CORO2A: variants seen among roughly 807,000 people sequenced by gnomAD.
CORO2A encodes the protein coronin-2A.
A neutral mutation model predicts 62.4 loss-of-function variants in CORO2A; 47 were observed. That is an observed-to-expected ratio of 0.75 (90% CI 0.60 to 0.96). CORO2A has a LOEUF of 0.96. Among genes scored for constraint, CORO2A ranks in the 40% least tolerant of loss-of-function variants. The probability of loss-of-function intolerance (pLI) is 0.00; values close to 1 mark genes in which losing one functional copy is unlikely to be tolerated. For synonymous variants in CORO2A, 273 were observed against 268.9 expected (o/e 1.02, Z -0.15); for missense variants, 610 against 684.1 (o/e 0.89, Z 1.21).
rs771128379 is a variant in CORO2A, at chr9:98,133,146, T to G, written c.540A>C (p.Gln180His). The G allele has an allele frequency of 6.8e-6, 11 of 1,614,122 alleles. No homozygotes were observed. Among genetic ancestry groups the G allele is most frequent in the Non-Finnish European group, 9.3e-6 (11 of 1,180,052 alleles). The change falls in exon 5 of 12, where the codon CAA (glutamine) becomes CAC (histidine). Residue 180 changes from glutamine (Q) to histidine (H), a missense_variant. Coordinates refer to ENST00000375077, the MANE Select transcript of CORO2A (RefSeq NM_052820.4). ...TSPMSTISCH[Q>H]DVILSMSFNT... ...TGAAGGACATGGAGAGGATCACATC[T>G]TGGTGACAGCTAATCGTACTCATGG...
intron 2 of CORO2A, among the ~76,000 whole-genome samples, chr9:98,151,494 T>G (rs1011794582): frequency 6.6e-6 from 1 of 152,182 alleles, no homozygotes; most frequent in Non-Finnish European, 1.5e-5. Context: ...TATGTACAAA[T>G]GCAATTCATT....
At chr9:98,191,055 C>A (rs1245215526) in intron 1 of CORO2A, among the ~76,000 whole-genome samples, 2 of 152,224 alleles carry the variant, frequency 1.3e-5, no homozygotes, top group Non-Finnish European at 2.9e-5. Flanking sequence ...GGGCCTCCTG[C>A]CCTCTTTTGG....
At chr9:98,159,235 T>A (rs938609276) in intron 1 of CORO2A, among the ~76,000 whole-genome samples, 6 of 151,922 alleles carry the variant, frequency 3.9e-5, no homozygotes, top group East Asian at 3.9e-4. Context: ...ATTAAAAAAA[T>A]TTTTTTTCTT....
At chr9:98,186,766 T>C (rs1269353662) in intron 1 of CORO2A, among the ~76,000 whole-genome samples, 1 of 152,074 alleles carries the variant, frequency 6.6e-6, no homozygotes, top group Non-Finnish European at 1.5e-5. Context: ...TAGATGGTGG[T>C]AAGAAGTGCT....
Position 98,124,619 on chromosome 9 carries a change from G to T in CORO2A, c.*155C>A. 1 of 733,194 alleles carries T rather than the reference G, an allele frequency of 1.4e-6. No homozygotes were observed. Among genetic ancestry groups the T allele is most frequent in the Non-Finnish European group, 2.0e-6 (1 of 501,458 alleles). 45.4% of individuals were successfully genotyped at this position (733,194 alleles called of 1,614,324 possible). ...AAGGCAAACAGAAAAACGGCACCAT[G>T]TCCCACTGGAATCTCTTTCAGCGAT... On this transcript the variant is annotated 3_prime_UTR_variant, in exon 12 of 12. Transcript: ENST00000375077.
chr9:98,129,973 G>T, intron 7 of CORO2A, 83 bp from the exon 8 acceptor site: 1 of 1,069,336 alleles, frequency 9.4e-7, no homozygotes, highest in South Asian at 1.3e-5. Flanking sequence ...ATGCAGCAAA[G>T]ACCTGGCTTT....
intron 6 of CORO2A, among the ~76,000 whole-genome samples, chr9:98,131,414 C>T (rs1827407310): frequency 6.6e-6 from 1 of 151,048 alleles, no homozygotes. Context: ...CAGTCTCAAA[C>T]TCTTGGGCTC....
At chr9:98,168,569 G>C (rs1827992111) in intron 1 of CORO2A, among the ~76,000 whole-genome samples, 1 of 152,218 alleles carries the variant, frequency 6.6e-6, no homozygotes, top group African/African-American at 2.4e-5. Context: ...TCAGTCACAG[G>C]TCCACACTCT....
At chr9:98,190,181 G>T (rs1828290407) in intron 1 of CORO2A, among the ~76,000 whole-genome samples, 1 of 152,146 alleles carries the variant, frequency 6.6e-6, no homozygotes, top group Non-Finnish European at 1.5e-5. Flanking sequence ...CACTGTGCCT[G>T]GCCAGAAGAC....
At chr9:98,130,437 C>T (rs1286243928) in intron 7 of CORO2A, among the ~76,000 whole-genome samples, 3 of 152,298 alleles carry the variant, frequency 2.0e-5, no homozygotes, top group African/African-American at 7.2e-5. Context: ...CCAAAGCCCA[C>T]CCTTTTTCCT....
intron 1 of CORO2A, among the ~76,000 whole-genome samples, chr9:98,188,721 G>A (rs1031709902): frequency 6.6e-6 from 1 of 152,016 alleles, no homozygotes; most frequent in East Asian, 1.9e-4. Flanking sequence ...CGTGAGCCGG[G>A]ATCATGCCAC....
chr9:98,137,445 C>T lies in CORO2A; in HGVS notation c.318+127G>A, dbSNP rs1347552353. 3 of 769,600 alleles carry T rather than the reference C, an allele frequency of 3.9e-6. No individual in the cohort carries two copies. The African/African-American group carries it at 5.1e-5, about 13-fold the overall frequency. 47.7% of individuals were successfully genotyped at this position (769,600 alleles called of 1,614,324 possible). A position where few individuals can be genotyped will look rare whatever the true frequency, so the allele number is the denominator to read the frequency against. ...CTCCTCTACCTTAACTTAACACCTC[C>T]CCACACAGTGACCTCACCTCCGCGA... On this transcript the variant is annotated intron_variant, in intron 3 of 11. Transcript: ENST00000375077.
chr9:98,147,667 A>C (rs111972208), intron 2 of CORO2A, among the ~76,000 whole-genome samples: 93 of 152,274 alleles, frequency 6.1e-4, no homozygotes, highest in Middle Eastern at 3.4e-3. Context: ...TAGCATAAGG[A>C]GGTTCCATGC....
Position 98,163,741 on chromosome 9 carries a change from T to TGAGA in CORO2A, c.1-6085_1-6082dup, listed in dbSNP as rs565063006. Reference sequence around the variant, plus strand: ...GTGTGTGTGTGTGTATGTGTGTGTGTGAGAGAGAGAGAGAGAGAGAGAGAG... The same window carrying TGAGA: ...GTGTGTGTGTGTGTATGTGTGTGTGTGAGAGAGAGAGAGAGAGAGAGAGAGAGAG... On this transcript the variant is annotated intron_variant, in intron 1 of 11. Transcript: ENST00000375077. 5.1e-3 allele frequency among the ~76,000 whole-genome samples: 709 copies of TGAGA among 139,588 alleles called. 3 individuals carry two copies. The highest frequency in any genetic ancestry group is 7.1e-3 in the East Asian group (34 of 4,772). 91.6% of individuals were successfully genotyped at this position (139,588 alleles called of 152,430 possible).
intron 1 of CORO2A, among the ~76,000 whole-genome samples, chr9:98,159,349 C>T (rs1474587887): frequency 1.3e-5 from 2 of 152,172 alleles, no homozygotes; most frequent in Non-Finnish European, 1.5e-5. Flanking sequence ...CCCCTGGCCT[C>T]ACATCACCCT....
At chr9:98,137,298 A>G (rs780811858) in intron 3 of CORO2A, among the ~76,000 whole-genome samples, 1 of 152,118 alleles carries the variant, frequency 6.6e-6, no homozygotes, top group Non-Finnish European at 1.5e-5. Context: ...CCATCGGAAT[A>G]TACATTTTCA....
intron 2 of CORO2A, among the ~76,000 whole-genome samples, chr9:98,145,355 A>C (rs949385345): frequency 1.3e-5 from 2 of 152,168 alleles, no homozygotes; most frequent in African/African-American, 2.4e-5. Context: ...TTGGGGACCT[A>C]TAGACACATC....
At chr9:98,167,570 G>A (rs570643750) in intron 1 of CORO2A, among the ~76,000 whole-genome samples, 1 of 152,186 alleles carries the variant, frequency 6.6e-6, no homozygotes, top group Non-Finnish European at 1.5e-5. Flanking sequence ...GTTCAGAAGA[G>A]ACTTAAGAGA....
At chr9:98,182,151 C>T (rs755541246) in intron 1 of CORO2A, among the ~76,000 whole-genome samples, 1 of 152,172 alleles carries the variant, frequency 6.6e-6, no homozygotes, top group African/African-American at 2.4e-5. Context: ...CCCTCAAAGG[C>T]GGGCCTGTGT....
Sources: allele counts gnomAD v4.1 joint callset (sites outside exome capture counted in the v4.1 genomes callset), GRCh38; gene constraint gnomAD v4.1.1; transcripts MANE v1.5; gene names NCBI Gene and HGNC (gene_info 2026-07-23, HGNC 2026-07-21).